ATRNL1: variants seen among roughly 807,000 people sequenced by gnomAD.
ATRNL1 encodes the protein attractin-like protein 1.
A neutral mutation model predicts 182.7 loss-of-function variants in ATRNL1; 95 were observed. That is an observed-to-expected ratio of 0.52 (90% CI 0.44 to 0.62). The LOEUF is 0.62. Ranked by LOEUF, ATRNL1 falls within the 20% of genes least tolerant of loss-of-function variation. The probability of loss-of-function intolerance (pLI) is 0.00; values close to 1 mark genes in which losing one functional copy is unlikely to be tolerated. For synonymous variants in ATRNL1, 576 were observed against 568.3 expected, an observed-to-expected ratio of 1.01 and a Z score of -0.19; for missense variants, 1,471 against 1,679.5, an observed-to-expected ratio of 0.88 and a Z score of 2.17.
At chr10:115,151,985 A>T (rs1006295973) in intron 5 of ATRNL1, among the ~76,000 whole-genome samples, 58 of 152,182 alleles carry the variant, frequency 3.8e-4, no homozygotes, top group African/African-American at 1.3e-3. Context: ...TTTCCCCATT[A>T]ATTGTTTTTG....
At chr10:115,679,943 TA>T (rs145767526) in intron 26 of ATRNL1, among the ~76,000 whole-genome samples, 1,771 of 152,254 alleles carry the variant, frequency 0.012, 34 homozygotes, top group African/African-American at 0.04. Context: ...TATTTTCCAT[TA>T]TCTTCTCCTA....
At chr10:115,297,017 A>G (rs916248110) in intron 15 of ATRNL1, among the ~76,000 whole-genome samples, 12 of 152,178 alleles carry the variant, frequency 7.9e-5, no homozygotes, top group Admixed American at 7.9e-4. Context: ...CTAACGAGTA[A>G]TGTGGACCTA....
At chr10:115,107,799 A>G (rs1239012915) in intron 1 of ATRNL1, among the ~76,000 whole-genome samples, 1 of 152,194 alleles carries the variant, frequency 6.6e-6, no homozygotes, top group Non-Finnish European at 1.5e-5. Flanking sequence ...TCAGAGCTGC[A>G]GCCAGAGACA....
intron 26 of ATRNL1, among the ~76,000 whole-genome samples, chr10:115,590,560 A>T (rs2133915656): frequency 6.6e-6 from 1 of 152,336 alleles, no homozygotes; most frequent in East Asian, 1.9e-4. Context: ...ATGAATATTA[A>T]TAAAATCTAC....
chr10:115,130,139 A>C lies in ATRNL1; in HGVS notation c.829+604A>C, dbSNP rs534883039. The stretch of plus-strand genomic sequence containing the variant: ...AATGTTGGCTTATTTATCTGTATAT[A>C]AAATAATAAATATTGTCATTATGAA... On this transcript the variant is annotated intron_variant, in intron 5 of 28. Transcript: ENST00000355044. Among the ~76,000 whole-genome samples the C allele has an allele frequency of 8.6e-4, 131 of 152,284 alleles. 1 individual carries two copies. The highest frequency in any genetic ancestry group is 1.4e-3 in the Non-Finnish European group (97 of 67,978).
chr10:115,538,413 G>A (rs1554991086), intron 25 of ATRNL1, among the ~76,000 whole-genome samples: 1 of 152,168 alleles, frequency 6.6e-6, no homozygotes, highest in Non-Finnish European at 1.5e-5. Flanking sequence ...GTGGTATCTT[G>A]TGGTAATTTT....
chr10:115,204,521 T>C (rs1336301675), intron 8 of ATRNL1, among the ~76,000 whole-genome samples: 1 of 152,136 alleles, frequency 6.6e-6, no homozygotes, highest in African/African-American at 2.4e-5. Context: ...ATCAAATGCT[T>C]TTTCTGCATC....
At chr10:115,458,372 T>C (rs1048889297) in intron 21 of ATRNL1, among the ~76,000 whole-genome samples, 1 of 152,134 alleles carries the variant, frequency 6.6e-6, no homozygotes, top group Non-Finnish European at 1.5e-5. Flanking sequence ...AGTCTAAATT[T>C]TCTTTCTTTA....
intron 19 of ATRNL1, among the ~76,000 whole-genome samples, chr10:115,361,705 ATGG>A (rs1230377668): frequency 6.6e-6 from 1 of 152,054 alleles, no homozygotes; most frequent in African/African-American, 2.4e-5. Flanking sequence ...CTTAGAATAT[ATGG>A]TTTGAGTTTC....
chr10:115,453,851 G>T (rs889608664), intron 21 of ATRNL1, among the ~76,000 whole-genome samples: 3 of 151,422 alleles, frequency 2.0e-5, no homozygotes, highest in Non-Finnish European at 4.4e-5. Context: ...AATGCTAAAT[G>T]ATGAGTTAAT....
rs561138911 is a variant in ATRNL1 at position 115,621,711 on chromosome 10, C to T, written c.3795+72175C>T. Among the ~76,000 whole-genome samples, 9 of 152,206 alleles carry T rather than the reference C, an allele frequency of 5.9e-5. No individual in the cohort carries two copies. The South Asian group carries it at 1.9e-3, about 32-fold the overall frequency. On this transcript the variant is annotated intron_variant, in intron 26 of 28. Transcript: ENST00000355044. ...CTGAAAGAAGGTTGTTCTGGAATGC[C>T]ATTAGAACTTGAAGATCCCATTCCA...
chr10:115,797,960 C>T (rs1555083400), intron 27 of ATRNL1, among the ~76,000 whole-genome samples: 1 of 152,148 alleles, frequency 6.6e-6, no homozygotes, highest in Non-Finnish European at 1.5e-5. Flanking sequence ...CTCTGTTGCC[C>T]AGGCTGCAGT....
rs782669624 is a variant in ATRNL1 at position 115,093,819 on chromosome 10, G to C, written c.69G>C (p.Arg23=). ...CGGCCCCGGGGGTGTGGAGGGCTCG[G>C]CCGGCGGGCGGCGGCGGCGGGGGCG... ...QPAAPGVWRA[R]PAGGGGGGAS... The change falls in exon 1 of 29, where the codon CGG becomes CGC. Residue 23 remains arginine (R), a synonymous_variant. Coordinates refer to ENST00000355044, the MANE Select transcript of ATRNL1 (RefSeq NM_207303.4). This position sits in a 1 kb window ranked among gnomAD's most constrained non-coding sequence, Gnocchi z 6.1. 2.0e-5 allele frequency: 30 copies of C among 1,498,390 alleles called. No individual in the cohort carries two copies. Among genetic ancestry groups the C allele is most frequent in the Non-Finnish European group, 2.3e-5 (26 of 1,125,736 alleles). 92.8% of individuals were successfully genotyped at this position (1,498,390 alleles called of 1,614,324 possible). A position where few individuals can be genotyped will look rare whatever the true frequency, so the allele number is the denominator to read the frequency against.
rs58330605 is a variant in ATRNL1, at chr10:115,547,254, C to CAA, written c.3717-2195_3717-2194dup. Among the ~76,000 whole-genome samples, 933 of 127,428 alleles carry CAA rather than the reference C, an allele frequency of 7.3e-3. 12 individuals are homozygous for CAA. The highest frequency in any genetic ancestry group is 0.012 in the Middle Eastern group (3 of 242). 83.6% of individuals were successfully genotyped at this position (127,428 alleles called of 152,430 possible). ...TGGGTGACAGAGTGAGACTCCATCT[C>CAA]AAAAAAAAAATATATATATATATAT... On this transcript the variant is annotated intron_variant, in intron 25 of 28. Coordinates refer to ENST00000355044, the MANE Select transcript of ATRNL1 (RefSeq NM_207303.4).
chr10:115,387,698 T>C (rs1858443746), intron 19 of ATRNL1, among the ~76,000 whole-genome samples: 3 of 152,212 alleles, frequency 2.0e-5, no homozygotes, highest in African/African-American at 7.2e-5. Context: ...TATGTAATCT[T>C]TTGTGTTTGG....
At chr10:115,405,692 CTT>C (rs35948060) in intron 20 of ATRNL1, among the ~76,000 whole-genome samples, 5 of 146,828 alleles carry the variant, frequency 3.4e-5, no homozygotes, top group South Asian at 4.4e-4. Context: ...TGCCTGTTTT[CTT>C]TTTTTTTTTA....
chr10:115,224,587 ATC>A (rs1392559089), intron 9 of ATRNL1, among the ~76,000 whole-genome samples: 2 of 152,148 alleles, frequency 1.3e-5, no homozygotes, highest in African/African-American at 2.4e-5. Flanking sequence ...TAATAGATAA[ATC>A]CCCACACAGA....
chr10:115,366,090 G>A lies in ATRNL1; in HGVS notation c.3176-28569G>A, dbSNP rs1432367611. On this transcript the variant is annotated intron_variant, in intron 19 of 28. Transcript: ENST00000355044. Reference sequence around the variant, plus strand: ...GGTATCCTTGTTGACTTTCTGTCTCGTTGATCTGTCTAATGTTGACAGTGG... The same window carrying A: ...GGTATCCTTGTTGACTTTCTGTCTCATTGATCTGTCTAATGTTGACAGTGG... Among the ~76,000 whole-genome samples, 363 of 151,872 alleles carry A rather than the reference G, an allele frequency of 2.4e-3. 5 individuals carry two copies. Among genetic ancestry groups the A allele is most frequent in the Admixed American group, 0.018 (267 of 15,242 alleles).
At chr10:115,784,192 C>A (rs6585362) in intron 27 of ATRNL1, among the ~76,000 whole-genome samples, 92,029 of 152,100 alleles carry the variant, frequency 0.61, 28,609 homozygotes, top group East Asian at 0.76. Context: ...CAATGAGACT[C>A]TGTAATCGCT....
Sources: allele counts gnomAD v4.1 joint callset (sites outside exome capture counted in the v4.1 genomes callset), GRCh38; gene constraint gnomAD v4.1.1; non-coding constraint Gnocchi (gnomAD v3.1); transcripts MANE v1.5; gene names NCBI Gene and HGNC (gene_info 2026-07-23, HGNC 2026-07-21).